The following FOXP1 variants were observed in gnomAD, a reference collection of about 807,000 sequenced individuals.
FOXP1 encodes the protein forkhead box P1.
A neutral mutation model predicts 98.2 loss-of-function variants in FOXP1; 15 were observed. The ratio of observed to expected loss-of-function variants is 0.15; its 90% CI spans 0.10 to 0.24. The LOEUF (loss-of-function observed/expected upper bound fraction) is 0.24. FOXP1 is among the 10% of genes least tolerant of loss of function. The probability of loss-of-function intolerance (pLI) is 1.00; values close to 1 mark genes in which losing one functional copy is unlikely to be tolerated. For synonymous variants in FOXP1, 371 were observed against 314.5 expected (o/e 1.18, Z -1.90); for missense variants, 633 against 848.5 (o/e 0.75, Z 3.15).
intron 3 of FOXP1, among the ~76,000 whole-genome samples, chr3:71,423,260 A>G (rs983146135): frequency 1.3e-5 from 2 of 152,208 alleles, no homozygotes; most frequent in East Asian, 1.9e-4. Context: ...AGAGAGAGAC[A>G]TAAGAATTGT....
At chr3:71,186,074 T>C (rs2062625855) in intron 6 of FOXP1, among the ~76,000 whole-genome samples, 1 of 152,236 alleles carries the variant, frequency 6.6e-6, no homozygotes. Flanking sequence ...TTTACTAAAT[T>C]ATGAAATCTT....
chr3:71,006,184 G>A (rs927200676), intron 12 of FOXP1, among the ~76,000 whole-genome samples: 1 of 152,038 alleles, frequency 6.6e-6, no homozygotes, highest in African/African-American at 2.4e-5. Flanking sequence ...GGTTTTGAAC[G>A]TAATGCCAAA....
At chr3:71,459,931 C>CT (rs545099441) in intron 3 of FOXP1, among the ~76,000 whole-genome samples, 155 of 136,974 alleles carry the variant, frequency 1.1e-3, no homozygotes, top group African/African-American at 2.7e-3. Context: ...GCCCCATCTT[C>CT]TTTTTTTTTT....
chr3:71,483,802 C>T (rs891200720), intron 3 of FOXP1, among the ~76,000 whole-genome samples: 9 of 151,550 alleles, frequency 5.9e-5, no homozygotes, highest in South Asian at 2.1e-4. Context: ...CACACATACA[C>T]GAACTTTTTT....
At chr3:71,380,698 A>ATTTTT (rs11395817) in intron 3 of FOXP1, among the ~76,000 whole-genome samples, 12 of 100,290 alleles carry the variant, frequency 1.2e-4, no homozygotes, top group African/African-American at 1.5e-4. Flanking sequence ...CTTTTTAGAC[A>ATTTTT]TTTTTTTTTT....
chr3:71,321,096 A>G (rs2075361963), intron 4 of FOXP1, among the ~76,000 whole-genome samples: 1 of 150,522 alleles, frequency 6.6e-6, no homozygotes, highest in Admixed American at 6.6e-5. Context: ...TCCCGCTACT[A>G]ACAGTGTCCT....
intron 7 of FOXP1, among the ~76,000 whole-genome samples, chr3:71,057,934 C>A (rs1245330359): frequency 6.6e-6 from 1 of 152,200 alleles, no homozygotes; most frequent in Non-Finnish European, 1.5e-5. Context: ...AAAGCCCATA[C>A]ACACTGCTGT....
At chr3:71,551,333 C>T (rs1578143569) in intron 2 of FOXP1, among the ~76,000 whole-genome samples, 3 of 152,160 alleles carry the variant, frequency 2.0e-5, no homozygotes, top group African/African-American at 7.2e-5. Context: ...TGATTCTGAA[C>T]ACAACAATAT....
chr3:71,136,277 C>A (rs1200988850), intron 6 of FOXP1, among the ~76,000 whole-genome samples: 2 of 152,176 alleles, frequency 1.3e-5, no homozygotes, highest in African/African-American at 4.8e-5. Flanking sequence ...ATTTTAGAAG[C>A]TACCCTTTCC....
chr3:71,405,345 T>C (rs140571350), intron 3 of FOXP1, among the ~76,000 whole-genome samples: 110 of 152,346 alleles, frequency 7.2e-4, no homozygotes, highest in African/African-American at 2.5e-3. Context: ...CTATGTTCTG[T>C]GCATCCAAAT....
At chr3:71,233,236 G>GAGGGAAGGGGAGAGGAGGGA in intron 5 of FOXP1, among the ~76,000 whole-genome samples, 1 of 144,278 alleles carries the variant, frequency 6.9e-6, no homozygotes, top group Non-Finnish European at 1.5e-5. Context: ...CATGGGAGGG[G>GAGGGAAGGGGAGAGGAGGGA]AGGGAAGGGG....
At chr3:71,006,787 G>A (rs1026705308) in intron 12 of FOXP1, among the ~76,000 whole-genome samples, 1 of 152,118 alleles carries the variant, frequency 6.6e-6, no homozygotes, top group Non-Finnish European at 1.5e-5. Flanking sequence ...GCAGTTATAT[G>A]TAGAATTAAT....
At chr3:71,119,996 A>T (rs2058644617) in intron 6 of FOXP1, among the ~76,000 whole-genome samples, 1 of 152,238 alleles carries the variant, frequency 6.6e-6, no homozygotes, top group Non-Finnish European at 1.5e-5. Context: ...TGAAAATATT[A>T]GATGTTCAAA....
chr3:71,557,328 T>C (rs1428310762), intron 2 of FOXP1, among the ~76,000 whole-genome samples: 1 of 150,994 alleles, frequency 6.6e-6, no homozygotes, highest in African/African-American at 2.4e-5. Context: ...CTTCCACAGC[T>C]CAAATGGTCA....
chr3:71,035,955 T>C (rs1344686143), intron 11 of FOXP1, among the ~76,000 whole-genome samples: 1 of 152,212 alleles, frequency 6.6e-6, no homozygotes, highest in African/African-American at 2.4e-5. Context: ...CTGACATTTA[T>C]TCACAAACAC....
chr3:71,387,721 C>G (rs1313511704), intron 3 of FOXP1, among the ~76,000 whole-genome samples: 1 of 152,202 alleles, frequency 6.6e-6, no homozygotes, highest in African/African-American at 2.4e-5. Flanking sequence ...TAACCACACC[C>G]ATGTGTCATC....
At chr3:71,125,719 G>C (rs1404663601) in intron 6 of FOXP1, among the ~76,000 whole-genome samples, 1 of 152,186 alleles carries the variant, frequency 6.6e-6, no homozygotes, top group Non-Finnish European at 1.5e-5. Context: ...AAGAAGTAAG[G>C]ATTCTCTGGG....
intron 5 of FOXP1, among the ~76,000 whole-genome samples, chr3:71,273,518 G>A (rs916741726): frequency 6.6e-6 from 1 of 152,130 alleles, no homozygotes; most frequent in Non-Finnish European, 1.5e-5. Flanking sequence ...AAAGTTGGCT[G>A]GTATTTTCAA....
intron 6 of FOXP1, among the ~76,000 whole-genome samples, chr3:71,142,268 C>A (rs926887003): frequency 5.9e-5 from 9 of 152,170 alleles, no homozygotes; most frequent in African/African-American, 2.2e-4. Flanking sequence ...ATGTGGTTGG[C>A]AGAATTCTCA....
Sources: allele counts gnomAD v4.1 joint callset (sites outside exome capture counted in the v4.1 genomes callset), GRCh38; gene constraint gnomAD v4.1.1; transcripts MANE v1.5; gene names NCBI Gene and HGNC (gene_info 2026-07-23, HGNC 2026-07-21).